SUSD1: variants seen among roughly 807,000 people sequenced by gnomAD.
SUSD1 encodes the protein sushi domain-containing protein 1.
A neutral mutation model predicts 86.9 loss-of-function variants in SUSD1; 65 were observed. That is an observed-to-expected ratio of 0.75 (90% CI 0.61 to 0.92). The LOEUF is 0.92. Among genes scored for constraint, SUSD1 ranks in the 40% least tolerant of loss-of-function variants. The probability of loss-of-function intolerance (pLI) is 0.00; values close to 1 mark genes in which losing one functional copy is unlikely to be tolerated. For synonymous variants in SUSD1, 346 were observed against 350.0 expected, an observed-to-expected ratio of 0.99 and a Z score of 0.13; for missense variants, 850 against 929.7, an observed-to-expected ratio of 0.91 and a Z score of 1.11.
intron 1 of SUSD1, among the ~76,000 whole-genome samples, chr9:112,165,662 G>A (rs6477883): frequency 0.48 from 72,348 of 151,054 alleles, 17,965 homozygotes; most frequent in African/African-American, 0.63. Flanking sequence ...CACCCACCTC[G>A]GCCTCCCAAA....
intron 2 of SUSD1, among the ~76,000 whole-genome samples, chr9:112,152,641 C>T (rs1029086065): frequency 1.3e-5 from 2 of 150,520 alleles, no homozygotes; most frequent in African/African-American, 4.9e-5. Flanking sequence ...AACTCCTGGC[C>T]TCAAGGATTC....
At chr9:112,123,854 G>A (rs555789038) in intron 6 of SUSD1, among the ~76,000 whole-genome samples, 4 of 152,076 alleles carry the variant, frequency 2.6e-5, no homozygotes, top group Admixed American at 1.3e-4. Context: ...TATGTTTTTT[G>A]TGTGTTAACA....
In SUSD1 at chr9:112,157,548, A is replaced by G. The variant is rs1373426556; in HGVS notation, c.169T>C (p.Cys57Arg). The stretch of plus-strand genomic sequence containing the variant: ...CCTACAAATCCATAGTTGCAAATAC[A>G]GATCTTCTTCCCTTCTCTTTGCTGG... Reference protein sequence around the residue: ...TCQQREGKKICICNYGFVGNG... With the variant: ...TCQQREGKKIRICNYGFVGNG... The change falls in exon 2 of 17, where the codon TGT becomes CGT. Residue 57 changes from cysteine to arginine, a missense_variant. Physicochemically the swap from Cys to Arg is radical, Grantham distance 180. Coordinates refer to ENST00000374270, the MANE Select transcript of SUSD1 (RefSeq NM_022486.5). The G allele has an allele frequency of 6.2e-7, 1 of 1,614,088 alleles. No individual in the cohort carries two copies. Among genetic ancestry groups the G allele is most frequent in the East Asian group, 2.2e-5 (1 of 44,896 alleles).
At chr9:112,140,595 T>C (rs920632617) in intron 5 of SUSD1, among the ~76,000 whole-genome samples, 5 of 151,768 alleles carry the variant, frequency 3.3e-5, no homozygotes, top group Non-Finnish European at 5.9e-5. Context: ...TTTAAAAAAC[T>C]AACCAAAAGC....
intron 8 of SUSD1, chr9:112,103,106 G>C: frequency 2.2e-6 from 1 of 454,682 alleles, no homozygotes; most frequent in Non-Finnish European, 4.5e-6. Flanking sequence ...ATGTCTACCA[G>C]AGAGAAGCTA....
chr9:112,169,376 T>A (rs1223991590), intron 1 of SUSD1: 2 of 149,298 alleles, frequency 1.3e-5, no homozygotes, highest in East Asian at 3.9e-4. Flanking sequence ...CCCTTCTCAC[T>A]ACTGTACTTG....
At chr9:112,073,255 T>C (rs946724833) in intron 12 of SUSD1, among the ~76,000 whole-genome samples, 2 of 152,338 alleles carry the variant, frequency 1.3e-5, no homozygotes, top group East Asian at 3.9e-4. Context: ...ATGAATACAA[T>C]GAGAGATGGG....
intron 7 of SUSD1, 148 bp from the exon 8 acceptor site, chr9:112,111,988 TA>T: frequency 1.4e-6 from 1 of 738,252 alleles, no homozygotes; most frequent in Non-Finnish European, 2.2e-6. Flanking sequence ...GGTCTGCTGA[TA>T]AAGTCTGATC....
intron 12 of SUSD1, among the ~76,000 whole-genome samples, chr9:112,065,051 T>C (rs1416119295): frequency 6.6e-6 from 1 of 152,186 alleles, no homozygotes; most frequent in African/African-American, 2.4e-5. Context: ...AGGAAATTGA[T>C]ACATGACAGA....
intron 10 of SUSD1, among the ~76,000 whole-genome samples, chr9:112,085,093 G>A (rs1023415103): frequency 1.3e-5 from 2 of 152,144 alleles, no homozygotes; most frequent in Non-Finnish European, 2.9e-5. Context: ...TGCACTCTCA[G>A]TGTCTAGGGC....
intron 5 of SUSD1, among the ~76,000 whole-genome samples, chr9:112,126,947 G>A (rs1299126117): frequency 6.6e-6 from 1 of 152,138 alleles, no homozygotes; most frequent in African/African-American, 2.4e-5. Flanking sequence ...ATGTTAAGGG[G>A]TATTTTCCCC....
intron 10 of SUSD1, among the ~76,000 whole-genome samples, chr9:112,080,905 T>C (rs1829739870): frequency 6.6e-6 from 1 of 152,148 alleles, no homozygotes. Context: ...TTTGAAGCAA[T>C]CAGGTTTTTC....
intron 12 of SUSD1, among the ~76,000 whole-genome samples, chr9:112,065,309 G>A (rs1828928377): frequency 1.3e-5 from 2 of 152,126 alleles, no homozygotes; most frequent in South Asian, 4.1e-4. Context: ...GATCACTTGA[G>A]GTCAGGAGTT....
intron 5 of SUSD1, among the ~76,000 whole-genome samples, chr9:112,141,969 C>T (rs977622350): frequency 6.8e-6 from 1 of 147,940 alleles, no homozygotes; most frequent in African/African-American, 2.5e-5. Flanking sequence ...AAACTAACAT[C>T]AGGAATGAAG....
At chr9:112,133,758 C>T (rs1322975366) in intron 5 of SUSD1, among the ~76,000 whole-genome samples, 2 of 152,172 alleles carry the variant, frequency 1.3e-5, no homozygotes, top group African/African-American at 2.4e-5. Flanking sequence ...GCAAAAGAAA[C>T]TATCAACAAA....
At chr9:112,052,002 G>A (rs935887434) in intron 15 of SUSD1, among the ~76,000 whole-genome samples, 4 of 152,164 alleles carry the variant, frequency 2.6e-5, no homozygotes, top group Non-Finnish European at 4.4e-5. Flanking sequence ...ATCTTTCCCC[G>A]AATTGAAAAG....
chr9:112,112,833 T>C lies in SUSD1; in HGVS notation c.922A>G (p.Asn308Asp), dbSNP rs1236845047. 1.2e-6 allele frequency: 2 copies of C among 1,613,104 alleles called. No homozygotes were observed. The highest frequency in any genetic ancestry group is 1.7e-5 in the Admixed American group (1 of 60,014). Residue 308 changes from asparagine to aspartate, a missense_variant, in exon 7 of 17, where the codon AAT becomes GAT. Transcript: ENST00000374270. ...ATTTGCCATCTCACACAGGTATCAT[T>C]AAACAGTGATACATCATTAATCTTT... ...LTKINDVSLF[N>D]DTCVRWQINS...
chr9:112,143,688 G>T, intron 3 of SUSD1, 65 bp from the exon 4 acceptor site: 1 of 1,488,952 alleles, frequency 6.7e-7, no homozygotes, highest in Non-Finnish European at 9.0e-7. Flanking sequence ...AAAAGGAGAG[G>T]ATATTGTGAC....
At chr9:112,124,151 C>T in intron 6 of SUSD1, 106 bp downstream of exon 6, 1 of 1,113,086 alleles carries the variant, frequency 9.0e-7, no homozygotes, top group Non-Finnish European at 1.2e-6. Flanking sequence ...AATAGCCGAG[C>T]TGGGTACAGT....
Sources: gnomAD v4.1 joint callset for allele counts (sites outside exome capture counted in the v4.1 genomes callset) on GRCh38, gnomAD v4.1.1 for gene constraint, MANE v1.5 for transcripts, NCBI Gene and HGNC (gene_info 2026-07-23, HGNC 2026-07-21) for gene names.